The following AGBL4 variants were observed in gnomAD, a reference collection of about 807,000 sequenced individuals.
AGBL4 encodes the protein AGBL carboxypeptidase 4, also known as cytosolic carboxypeptidase 6.
A neutral mutation model predicts 66.4 loss-of-function variants in AGBL4; 58 were observed. The ratio of observed to expected loss-of-function variants is 0.87; its 90% CI spans 0.71 to 1.09. The LOEUF (loss-of-function observed/expected upper bound fraction) is 1.09. Ranked by LOEUF, AGBL4 falls within the 50% of genes least tolerant of loss-of-function variation. AGBL4 has a pLI of 0.00. For missense variants in AGBL4, 579 were observed against 631.0 expected (o/e 0.92, Z 0.88); for synonymous variants, 234 against 222.9 (o/e 1.05, Z -0.44).
At chr1:49,667,500 T>C (rs1207858970) in intron 3 of AGBL4, among the ~76,000 whole-genome samples, 3 of 152,110 alleles carry the variant, frequency 2.0e-5, no homozygotes, top group Non-Finnish European at 2.9e-5. Flanking sequence ...CTTTAAAATA[T>C]TTGAAAATAG....
chr1:49,762,768 T>C (rs971111567), intron 2 of AGBL4, among the ~76,000 whole-genome samples: 1 of 152,166 alleles, frequency 6.6e-6, no homozygotes, highest in Non-Finnish European at 1.5e-5. Context: ...TTGTTTAAAT[T>C]CTTTATATAG....
At chr1:49,873,574 C>G (rs1227929599) in intron 1 of AGBL4, among the ~76,000 whole-genome samples, 2 of 152,058 alleles carry the variant, frequency 1.3e-5, no homozygotes, top group African/African-American at 4.8e-5. Context: ...TTCACCTTAT[C>G]TTATGTAAAG....
intron 1 of AGBL4, among the ~76,000 whole-genome samples, chr1:49,897,409 G>T (rs1649329573): frequency 6.6e-6 from 1 of 151,612 alleles, no homozygotes; most frequent in East Asian, 1.9e-4. Context: ...AGAAATTAAA[G>T]ATCTCTAAAA....
intron 6 of AGBL4, among the ~76,000 whole-genome samples, chr1:48,747,146 A>C (rs1433738826): frequency 6.6e-6 from 1 of 152,244 alleles, no homozygotes; most frequent in Non-Finnish European, 1.5e-5. Flanking sequence ...ATTAGCCACA[A>C]TAATAAGCAC....
At chr1:49,943,313 G>A (rs766494013) in intron 1 of AGBL4, among the ~76,000 whole-genome samples, 13 of 152,156 alleles carry the variant, frequency 8.5e-5, no homozygotes, top group Admixed American at 2.0e-4. Context: ...CCGATGGACA[G>A]AGCAGCATGT....
At chr1:49,999,334 CAAA>C (rs58760048) in intron 1 of AGBL4, among the ~76,000 whole-genome samples, 54 of 134,424 alleles carry the variant, frequency 4.0e-4, no homozygotes, top group Non-Finnish European at 4.3e-4. Flanking sequence ...ACTACCACTG[CAAA>C]AAAAAAAAAA....
At chr1:49,020,636 G>T (rs1354739370) in intron 5 of AGBL4, among the ~76,000 whole-genome samples, 1 of 152,116 alleles carries the variant, frequency 6.6e-6, no homozygotes, top group Non-Finnish European at 1.5e-5. Context: ...CTTAGCAAGG[G>T]TGAGCCTGAG....
chr1:48,626,932 T>C (rs1309241998), intron 9 of AGBL4, among the ~76,000 whole-genome samples: 4 of 152,106 alleles, frequency 2.6e-5, no homozygotes, highest in Non-Finnish European at 5.9e-5. Context: ...ATAAATATCC[T>C]GCCATAGGGG....
intron 2 of AGBL4, among the ~76,000 whole-genome samples, chr1:49,739,032 A>G (rs1001241218): frequency 4.6e-5 from 7 of 152,326 alleles, no homozygotes; most frequent in Admixed American, 2.0e-4. Context: ...TTCCTCACCA[A>G]CAATGGAACA....
chr1:49,522,247 T>A (rs1436621523), intron 3 of AGBL4, among the ~76,000 whole-genome samples: 2 of 152,060 alleles, frequency 1.3e-5, no homozygotes, highest in Admixed American at 6.5e-5. Flanking sequence ...CTTAGGTAAG[T>A]TTCGTAAGCT....
chr1:49,564,741 T>G (rs1046861741), intron 3 of AGBL4, among the ~76,000 whole-genome samples: 14 of 152,212 alleles, frequency 9.2e-5, no homozygotes, highest in African/African-American at 2.9e-4. Context: ...GTGGTCAATT[T>G]TGGAATAGGT....
At chr1:49,288,682 G>A (rs1215547773) in intron 3 of AGBL4, among the ~76,000 whole-genome samples, 1 of 152,172 alleles carries the variant, frequency 6.6e-6, no homozygotes, top group Non-Finnish European at 1.5e-5. Context: ...CAGAAAGACA[G>A]TTTGGAGTTC....
At chr1:49,651,971 C>T (rs1461332292) in intron 3 of AGBL4, among the ~76,000 whole-genome samples, 3 of 151,840 alleles carry the variant, frequency 2.0e-5, no homozygotes, top group African/African-American at 4.8e-5. Flanking sequence ...TAGAAAAAAA[C>T]AATTCAGGAT....
intron 3 of AGBL4, among the ~76,000 whole-genome samples, chr1:49,329,456 A>G (rs549424661): frequency 6.6e-6 from 1 of 152,284 alleles, no homozygotes; most frequent in South Asian, 2.1e-4. Context: ...GCTTGAGATC[A>G]GGAGTTCGAG....
At chr1:49,340,939 A>G (rs1439457271) in intron 3 of AGBL4, among the ~76,000 whole-genome samples, 1 of 152,202 alleles carries the variant, frequency 6.6e-6, no homozygotes, top group Non-Finnish European at 1.5e-5. Context: ...ATTCCTGTGG[A>G]AGACAGTAGT....
intron 6 of AGBL4, among the ~76,000 whole-genome samples, chr1:48,774,479 T>G (rs981101929): frequency 6.6e-6 from 1 of 152,232 alleles, no homozygotes; most frequent in Non-Finnish European, 1.5e-5. Context: ...TTGTCTTTTT[T>G]TCCCCTTTCT....
intron 5 of AGBL4, among the ~76,000 whole-genome samples, chr1:48,954,029 T>C (rs1657224700): frequency 6.6e-6 from 1 of 152,178 alleles, no homozygotes; most frequent in Non-Finnish European, 1.5e-5. Flanking sequence ...GCAGAGTGCT[T>C]AGGGGGCTTC....
chr1:48,992,212 G>A (rs1660653103), intron 5 of AGBL4, among the ~76,000 whole-genome samples: 1 of 151,648 alleles, frequency 6.6e-6, no homozygotes, highest in Non-Finnish European at 1.5e-5. Flanking sequence ...CTGCATTAAG[G>A]GGCACCCCAA....
rs551675754 is a variant in AGBL4 at position 48,663,867 on chromosome 1, T to G, written c.635-626A>C. Among the ~76,000 whole-genome samples, 3 of 152,022 alleles carry G rather than the reference T, an allele frequency of 2.0e-5. No individual in the cohort carries two copies. The South Asian group carries it at 6.2e-4, about 32-fold the overall frequency. On this transcript the variant is annotated intron_variant, in intron 6 of 13. Transcript: ENST00000371839. ...GAGGCAGAAGTGAGGCTCATGGAGG[T>G]TATATAACTTGTTCAAGGTCACACA...
Sources: gnomAD v4.1 joint callset for allele counts (sites outside exome capture counted in the v4.1 genomes callset) on GRCh38, gnomAD v4.1.1 for gene constraint, MANE v1.5 for transcripts, NCBI Gene and HGNC (gene_info 2026-07-23, HGNC 2026-07-21) for gene names.